Variants in GLT8D2 observed in about 807,000 individuals in gnomAD.
GLT8D2 encodes the protein glycosyltransferase 8 domain-containing protein 2.
In GLT8D2, 45 loss-of-function variants were observed where a neutral mutation model predicts 44.5. The ratio of observed to expected loss-of-function variants is 1.01; its 90% CI spans 0.80 to 1.30. The LOEUF (loss-of-function observed/expected upper bound fraction) is 1.30, where lower values mean the gene tolerates loss of function less well. GLT8D2 is among the 50% of genes most tolerant of loss of function. The pLI is 0.00. For synonymous variants in GLT8D2, 156 were observed against 157.2 expected, an observed-to-expected ratio of 0.99 and a Z score of 0.06; for missense variants, 400 against 430.4, an observed-to-expected ratio of 0.93 and a Z score of 0.62.
At chr12:104,021,670 TC>T (rs1877655104) in intron 1 of GLT8D2, among the ~76,000 whole-genome samples, 179 bp from the exon 2 acceptor site, 1 of 151,168 alleles carries the variant, frequency 6.6e-6, no homozygotes, top group Non-Finnish European at 1.5e-5. Flanking sequence ...ATGCCTGTAG[TC>T]CCAGCTACTC....
In GLT8D2 at chr12:103,989,229, T is replaced by C. The variant is rs1232899223; in HGVS notation, c.*179A>G. 4.4e-6 allele frequency: 2 copies of C among 456,166 alleles called. No individual in the cohort carries two copies. Among genetic ancestry groups the C allele is most frequent in the Admixed American group, 7.7e-5 (2 of 25,842 alleles). The allele number at this position is 456,166 out of a possible 1,614,324, so 28.3% of individuals were successfully genotyped here. A position where few individuals can be genotyped will look rare whatever the true frequency, so the allele number is the denominator to read the frequency against. On this transcript the variant is annotated 3_prime_UTR_variant, in exon 11 of 11. Coordinates refer to ENST00000360814, the MANE Select transcript of GLT8D2 (RefSeq NM_001384711.1). ...GATTTCCATAGTTATCACATGTACT[T>C]AAAGAAGTTAATCAATGCCTATATG...
At chr12:104,035,973 A>C (rs1330010364) in intron 1 of GLT8D2, among the ~76,000 whole-genome samples, 1 of 152,240 alleles carries the variant, frequency 6.6e-6, no homozygotes, top group Non-Finnish European at 1.5e-5. Context: ...CAGATCTCTC[A>C]GCAGAAACTC....
intron 1 of GLT8D2, among the ~76,000 whole-genome samples, chr12:104,042,250 A>C (rs1304855682): frequency 6.6e-6 from 1 of 152,182 alleles, no homozygotes; most frequent in Non-Finnish European, 1.5e-5. Flanking sequence ...TTCTGGATGA[A>C]GTGTCAACTC....
intron 1 of GLT8D2, among the ~76,000 whole-genome samples, chr12:104,059,900 A>G (rs1335563876): frequency 1.3e-5 from 2 of 152,180 alleles, no homozygotes; most frequent in African/African-American, 2.4e-5. Context: ...TCTCCTTGCC[A>G]GCCATTGTTC....
chr12:104,049,749 G>C (rs554600195), intron 1 of GLT8D2, 146 bp downstream of exon 1: 14 of 152,328 alleles, frequency 9.2e-5, no homozygotes, highest in South Asian at 8.3e-4. Flanking sequence ...AGTTCGGACT[G>C]GGAAGTTTCT....
intron 4 of GLT8D2, among the ~76,000 whole-genome samples, chr12:104,007,429 C>T (rs1311739800): frequency 6.6e-6 from 1 of 152,146 alleles, no homozygotes; most frequent in Non-Finnish European, 1.5e-5. Flanking sequence ...TAATTTAAGA[C>T]ACATTGAATG....
chr12:104,022,077 A>AG lies in GLT8D2; in HGVS notation c.-163-587_-163-586insC, dbSNP rs202234924. 5.2e-3 allele frequency among the ~76,000 whole-genome samples: 690 copies of AG among 133,144 alleles called. 37 individuals are homozygous for AG. The highest frequency in any genetic ancestry group is 0.034 in the East Asian group (83 of 2,436). 87.3% of individuals were successfully genotyped at this position (133,144 alleles called of 152,430 possible). ...AGAAGGGAAAGAAAGAAAGAAAGAA[A>AG]AAAAAAGAAAGAAAGAAAGAAGAAA... On this transcript the variant is annotated intron_variant, in intron 1 of 10. Coordinates refer to ENST00000360814, the MANE Select transcript of GLT8D2 (RefSeq NM_001384711.1).
At chr12:104,014,324 G>T in intron 4 of GLT8D2, 1 of 698,738 alleles carries the variant, frequency 1.4e-6, no homozygotes, top group South Asian at 1.5e-5. Context: ...CACTGTATTT[G>T]AGCTGGGGCA....
At chr12:104,013,931 G>C (rs182442789) in intron 4 of GLT8D2, among the ~76,000 whole-genome samples, 6 of 152,076 alleles carry the variant, frequency 3.9e-5, no homozygotes, top group Admixed American at 3.9e-4. Flanking sequence ...TGCAGATGGG[G>C]TCTTGCTTTG....
intron 7 of GLT8D2, 133 bp from the exon 8 acceptor site, chr12:103,996,980 CTATT>C (rs1425219261): frequency 1.5e-5 from 9 of 609,368 alleles, no homozygotes; most frequent in African/African-American, 1.1e-4. Flanking sequence ...AGTGGCTTGA[CTATT>C]TATTTATTAA....
At chr12:104,031,034 C>T in intron 1 of GLT8D2, 1 of 1,117,660 alleles carries the variant, frequency 8.9e-7, no homozygotes, top group Non-Finnish European at 1.3e-6. Flanking sequence ...GAGGACTTGG[C>T]GCCTCAATGA....
At chr12:104,046,576 G>C (rs1424035566) in intron 1 of GLT8D2, among the ~76,000 whole-genome samples, 2 of 152,186 alleles carry the variant, frequency 1.3e-5, no homozygotes, top group Admixed American at 6.5e-5. Flanking sequence ...TAAGCTCTGT[G>C]AGTTAACTCT....
intron 1 of GLT8D2, among the ~76,000 whole-genome samples, chr12:104,034,920 G>A (rs767014637): frequency 6.6e-6 from 1 of 152,196 alleles, no homozygotes; most frequent in Non-Finnish European, 1.5e-5. Flanking sequence ...ACAGGTGGGT[G>A]CCCCTCTGGG....
intron 1 of GLT8D2, among the ~76,000 whole-genome samples, chr12:104,058,666 AGCCC>A (rs2136551430): frequency 6.6e-6 from 1 of 152,348 alleles, no homozygotes; most frequent in Non-Finnish European, 1.5e-5. Context: ...TGGGTCTTAA[AGCCC>A]TTGATCTTAA....
At chr12:104,015,666 T>A (rs1876483951) in intron 3 of GLT8D2, among the ~76,000 whole-genome samples, 1 of 152,092 alleles carries the variant, frequency 6.6e-6, no homozygotes, top group Non-Finnish European at 1.5e-5. Context: ...TGTATATCAG[T>A]TCTAATAGTT....
Position 104,005,678 on chromosome 12 carries a change from A to G in GLT8D2, c.113-2372T>C, listed in dbSNP as rs1218260343. ...CAGAGAAATGCAAATCAAAACCACA[A>G]TGAGATACCATCTCACACCAGTTAG... On this transcript the variant is annotated intron_variant, in intron 4 of 10. Transcript: ENST00000360814. Among the ~76,000 whole-genome samples the G allele has an allele frequency of 3.3e-5, 5 of 152,352 alleles. No homozygotes were observed. In the South Asian group the frequency reaches 6.2e-4, roughly 19 times the overall value.
At chr12:104,049,361 T>C (rs141469723) in intron 1 of GLT8D2, 154 of 152,294 alleles carry the variant, frequency 1.0e-3, no homozygotes, top group African/African-American at 3.3e-3. Flanking sequence ...AGATCTTTTT[T>C]AATGTTTAAA....
chr12:104,005,761 A>G lies in GLT8D2; in HGVS notation c.113-2455T>C, dbSNP rs567448455. 4.3e-4 allele frequency among the ~76,000 whole-genome samples: 66 copies of G among 152,364 alleles called. 2 individuals are homozygous for G. The East Asian group carries it at 0.013, about 29-fold the overall frequency. ...GGTCCTGGAGAGGATGTGGAGAAATAGGAACACTTTTACACTGTTGGTGGA... is the reference window on the plus strand; with the variant it reads ...GGTCCTGGAGAGGATGTGGAGAAATGGGAACACTTTTACACTGTTGGTGGA... On this transcript the variant is annotated intron_variant, in intron 4 of 10. Coordinates refer to ENST00000360814, the MANE Select transcript of GLT8D2 (RefSeq NM_001384711.1).
intron 5 of GLT8D2, among the ~76,000 whole-genome samples, chr12:103,999,979 T>C (rs965479821): frequency 3.9e-5 from 6 of 152,208 alleles, no homozygotes; most frequent in Non-Finnish European, 8.8e-5. Flanking sequence ...CTTTGTCTCT[T>C]TGATTTGGTC....
Sources: gnomAD v4.1 joint callset for allele counts (sites outside exome capture counted in the v4.1 genomes callset) on GRCh38, gnomAD v4.1.1 for gene constraint, MANE v1.5 for transcripts, NCBI Gene and HGNC (gene_info 2026-07-23, HGNC 2026-07-21) for gene names.